The following ITGB8 variants were observed in gnomAD, a reference collection of about 807,000 sequenced individuals.
ITGB8 encodes integrin beta-8.
In ITGB8, 30 loss-of-function variants were observed where a neutral mutation model predicts 89.5. The ratio of observed to expected loss-of-function variants is 0.34; its 90% CI spans 0.25 to 0.45. The LOEUF (loss-of-function observed/expected upper bound fraction) is 0.45. Among genes scored for constraint, ITGB8 ranks in the 20% least tolerant of loss-of-function variants. The pLI is 1.00. For synonymous variants in ITGB8, 335 were observed against 320.4 expected (o/e 1.05, Z -0.49); for missense variants, 836 against 933.3 (o/e 0.90, Z 1.36).
intron 6 of ITGB8, 148 bp downstream of exon 6, chr7:20,382,033 C>T (rs1786420619): frequency 4.7e-6 from 3 of 640,556 alleles, no homozygotes; most frequent in Non-Finnish European, 5.3e-6. Flanking sequence ...ATTTATGGAA[C>T]AGTGCAATCT....
In ITGB8 at chr7:20,411,668, A is replaced by C. The variant is rs1404290760; in HGVS notation, c.*1671A>C. The C allele has an allele frequency of 6.6e-6, 1 of 152,620 alleles. No individual in the cohort carries two copies. The highest frequency in any genetic ancestry group is 6.5e-5 in the Admixed American group (1 of 15,278). The allele number at this position is 152,620 out of a possible 1,614,324, so 9.5% of individuals were successfully genotyped here. A position where few individuals can be genotyped will look rare whatever the true frequency, so the allele number is the denominator to read the frequency against. The stretch of plus-strand genomic sequence containing the variant: ...TTTCAATGTGATTTACTCATGTCTT[A>C]AGTGTATGAGGAAAGTTCAAAGCAA... On this transcript the variant is annotated 3_prime_UTR_variant, in exon 14 of 14. Coordinates refer to ENST00000222573, the MANE Select transcript of ITGB8 (RefSeq NM_002214.3).
At chr7:20,397,212 T>C (rs763429421) in intron 8 of ITGB8, among the ~76,000 whole-genome samples, 7 of 141,644 alleles carry the variant, frequency 4.9e-5, no homozygotes, top group Non-Finnish European at 1.0e-4. Context: ...CTAGCTAAGA[T>C]CTTTTCCTTT....
chr7:20,375,373 A>C (rs555019677), intron 3 of ITGB8, among the ~76,000 whole-genome samples: 2 of 152,296 alleles, frequency 1.3e-5, no homozygotes, highest in African/African-American at 2.4e-5. Context: ...AAAAAAAGGA[A>C]AATTAGATAG....
At chr7:20,374,060 G>A (rs1407965741) in intron 3 of ITGB8, among the ~76,000 whole-genome samples, 1 of 152,158 alleles carries the variant, frequency 6.6e-6, no homozygotes, top group Admixed American at 6.5e-5. Flanking sequence ...GGAAGGAAAT[G>A]AGTGTCTGAG....
intron 8 of ITGB8, among the ~76,000 whole-genome samples, chr7:20,397,996 T>C (rs1466008605): frequency 6.6e-6 from 1 of 151,936 alleles, no homozygotes; most frequent in Non-Finnish European, 1.5e-5. Context: ...GATTTTTGCA[T>C]GTGGTAGACT....
In ITGB8 at chr7:20,413,427, G is replaced by C. The variant is rs561634723; in HGVS notation, c.*3430G>C. ...AGACAAGAGTCAGCCATCAGACACT[G>C]AAATATATTATGATAGATTATGAAG... On this transcript the variant is annotated 3_prime_UTR_variant, in exon 14 of 14. Coordinates refer to ENST00000222573, the MANE Select transcript of ITGB8 (RefSeq NM_002214.3). 6.6e-6 allele frequency: 1 copy of C among 152,604 alleles called. No homozygotes were observed. The highest frequency in any genetic ancestry group is 1.5e-5 in the Non-Finnish European group (1 of 67,942). The allele number at this position is 152,604 out of a possible 1,614,324, so 9.5% of individuals were successfully genotyped here. A position where few individuals can be genotyped will look rare whatever the true frequency, so the allele number is the denominator to read the frequency against.
rs1222932465 is a variant in ITGB8, at chr7:20,367,044, T to C, written c.246T>C (p.Arg82=). ...TTTCAGGTGGATCAAGAAGTGAACGTTGTGATATTGTTTCCAATTTAATAA... is the reference window on the plus strand; with the variant it reads ...TTTCAGGTGGATCAAGAAGTGAACGCTGTGATATTGTTTCCAATTTAATAA... ...DFISGGSRSE[R]CDIVSNLISK... Residue 82 remains arginine (R), a synonymous_variant, in exon 3 of 14, where the codon CGT becomes CGC. Transcript: ENST00000222573. 6.2e-7 allele frequency: 1 copy of C among 1,611,910 alleles called. No homozygotes were observed. Among genetic ancestry groups the C allele is most frequent in the African/African-American group, 1.3e-5 (1 of 74,860 alleles).
chr7:20,406,233 A>G (rs757148798), intron 12 of ITGB8, 62 bp downstream of exon 12: 107 of 1,010,454 alleles, frequency 1.1e-4, no homozygotes, highest in Non-Finnish European at 1.5e-4. Context: ...TGTTCCCCCA[A>G]AAGACCCATA....
chr7:20,382,388 G>A (rs1425022991), intron 6 of ITGB8, among the ~76,000 whole-genome samples: 1 of 152,096 alleles, frequency 6.6e-6, no homozygotes, highest in Non-Finnish European at 1.5e-5. Context: ...ATCTATTTAA[G>A]GTCTCTTTTT....
At chr7:20,360,278 A>G (rs900844085) in intron 1 of ITGB8, among the ~76,000 whole-genome samples, 1 of 152,100 alleles carries the variant, frequency 6.6e-6, no homozygotes, top group Non-Finnish European at 1.5e-5. Context: ...ACAGAGTCAG[A>G]CAATTGTTAG....
intron 5 of ITGB8, 80 bp from the exon 6 acceptor site, chr7:20,381,647 A>G (rs1786400223): frequency 9.3e-7 from 1 of 1,075,504 alleles, no homozygotes; most frequent in Non-Finnish European, 1.4e-6. Flanking sequence ...GTCAACTCAA[A>G]CGTAATGTTT....
intron 1 of ITGB8, among the ~76,000 whole-genome samples, chr7:20,348,364 G>T: frequency 6.6e-6 from 1 of 152,168 alleles, no homozygotes; most frequent in East Asian, 1.9e-4. Context: ...TGCTTAGGAT[G>T]CATCACCCCA....
At chr7:20,360,889 G>T (rs1329495992) in intron 1 of ITGB8, among the ~76,000 whole-genome samples, 1 of 141,168 alleles carries the variant, frequency 7.1e-6, no homozygotes. Context: ...TGAATCAAAT[G>T]GTAGATCTAC....
At chr7:20,371,005 T>C (rs1785914054) in intron 3 of ITGB8, among the ~76,000 whole-genome samples, 1 of 152,158 alleles carries the variant, frequency 6.6e-6, no homozygotes, top group African/African-American at 2.4e-5. Flanking sequence ...AATAAAATTT[T>C]AGCAAATCAA....
intron 3 of ITGB8, among the ~76,000 whole-genome samples, chr7:20,370,486 T>A (rs1375142345): frequency 6.6e-6 from 1 of 151,260 alleles, no homozygotes; most frequent in Non-Finnish European, 1.5e-5. Context: ...CTAAAAACAT[T>A]AGGTCTAAAT....
intron 11 of ITGB8, 23 bp downstream of exon 11, chr7:20,404,876 C>G (rs1238712495): frequency 6.3e-7 from 1 of 1,595,732 alleles, no homozygotes; most frequent in East Asian, 2.2e-5. Context: ...TGACTCCAAA[C>G]ATACACAAAG....
chr7:20,369,184 C>T (rs1455510194), intron 3 of ITGB8, among the ~76,000 whole-genome samples: 3 of 152,238 alleles, frequency 2.0e-5, no homozygotes, highest in East Asian at 1.9e-4. Context: ...AACTGAAAAA[C>T]CCACACCTTA....
chr7:20,399,882 A>G (rs1248774835), intron 9 of ITGB8, among the ~76,000 whole-genome samples: 1 of 152,192 alleles, frequency 6.6e-6, no homozygotes, highest in East Asian at 1.9e-4. Context: ...AAGTGATAGA[A>G]GATTCTAAAA....
intron 1 of ITGB8, among the ~76,000 whole-genome samples, chr7:20,352,126 C>T (rs1205309682): frequency 6.6e-6 from 1 of 152,172 alleles, no homozygotes; most frequent in Non-Finnish European, 1.5e-5. Context: ...ACTGCTTTTC[C>T]AAGTTAGACA....
Sources: gnomAD v4.1 joint callset for allele counts (sites outside exome capture counted in the v4.1 genomes callset) on GRCh38, gnomAD v4.1.1 for gene constraint, MANE v1.5 for transcripts, NCBI Gene and HGNC (gene_info 2026-07-23, HGNC 2026-07-21) for gene names.